Variants in THSD7B observed in about 807,000 individuals in gnomAD.
THSD7B encodes thrombospondin type-1 domain-containing protein 7B.
Under a neutral mutation model 213.6 loss-of-function variants are expected in THSD7B, and 138 were observed. The observed-to-expected ratio is 0.65, with a 90% CI of 0.56 to 0.74. THSD7B has a LOEUF of 0.74. Ranked by LOEUF, THSD7B falls within the 30% of genes least tolerant of loss-of-function variation. The pLI, the probability that THSD7B is intolerant of heterozygous loss-of-function variation, is 0.00. For synonymous variants in THSD7B, 742 were observed against 687.0 expected (o/e 1.08, Z -1.25); for missense variants, 1,931 against 1,991.5 (o/e 0.97, Z 0.58).
chr2:137,632,825 C>A (rs373067361), intron 20 of THSD7B, among the ~76,000 whole-genome samples: 5 of 152,296 alleles, frequency 3.3e-5, no homozygotes, highest in East Asian at 3.9e-4. Flanking sequence ...ATGTACCTGG[C>A]AGAGATGTGA....
intron 15 of THSD7B, among the ~76,000 whole-genome samples, chr2:137,520,815 C>T (rs1680170750): frequency 6.6e-6 from 1 of 152,142 alleles, no homozygotes; most frequent in African/African-American, 2.4e-5. Flanking sequence ...TTTCATAATG[C>T]TAGAGCATGA....
At chr2:137,670,884 G>A (rs1474982940) in intron 27 of THSD7B, among the ~76,000 whole-genome samples, 1 of 138,208 alleles carries the variant, frequency 7.2e-6, no homozygotes, top group East Asian at 2.1e-4. Flanking sequence ...TTGCGCCACT[G>A]CACTGCAGCG....
At chr2:137,102,249 A>G (rs1250126709) in intron 4 of THSD7B, among the ~76,000 whole-genome samples, 1 of 152,210 alleles carries the variant, frequency 6.6e-6, no homozygotes, top group Non-Finnish European at 1.5e-5. Flanking sequence ...AGGCAAACAG[A>G]GCCTGAAGTG....
chr2:137,263,018 TC>T (rs1385907102), intron 10 of THSD7B, among the ~76,000 whole-genome samples: 12 of 152,084 alleles, frequency 7.9e-5, no homozygotes, highest in Non-Finnish European at 2.9e-5. Flanking sequence ...GTTAGCTCTC[TC>T]TAAATTGGGG....
chr2:137,642,351 A>C, intron 20 of THSD7B, 137 bp from the exon 21 acceptor site: 1 of 1,094,768 alleles, frequency 9.1e-7, no homozygotes, highest in Non-Finnish European at 1.3e-6. Flanking sequence ...TGAAAATGAC[A>C]GAAAAACTAA....
chr2:137,546,385 ATTATATATATTATATATATT>A (rs1680715667), intron 15 of THSD7B, among the ~76,000 whole-genome samples: 1 of 34,718 alleles, frequency 2.9e-5, no homozygotes, highest in Non-Finnish European at 4.6e-5. Context: ...TAATATATAT[ATTATATATATTATATATATT>A]ATATATATAT....
chr2:137,073,186 T>C lies in THSD7B; in HGVS notation c.950+15956T>C, dbSNP rs376662387. The stretch of plus-strand genomic sequence containing the variant: ...ATAGTTTCAGAAGGAATGGTACCAG[T>C]TCCTCTTTGTACCTCTGGTAGAATT... On this transcript the variant is annotated intron_variant, in intron 3 of 27. Coordinates refer to ENST00000409968, the MANE Select transcript of THSD7B (RefSeq NM_001316349.2). Among the ~76,000 whole-genome samples, 20 of 152,136 alleles carry C rather than the reference T, an allele frequency of 1.3e-4. No individual in the cohort carries two copies. The East Asian group carries it at 3.9e-3, about 29-fold the overall frequency.
At chr2:137,666,974 T>G (rs1432758680) in intron 26 of THSD7B, among the ~76,000 whole-genome samples, 1 of 152,160 alleles carries the variant, frequency 6.6e-6, no homozygotes, top group East Asian at 1.9e-4. Context: ...GTGAATTGAT[T>G]AACTTGTTTG....
intron 4 of THSD7B, among the ~76,000 whole-genome samples, chr2:137,107,304 G>A (rs1048689190): frequency 6.6e-6 from 1 of 152,126 alleles, no homozygotes; most frequent in African/African-American, 2.4e-5. Context: ...ACCAAACACT[G>A]CATGTTCTCA....
Position 137,056,439 on chromosome 2 carries a change from A to C in THSD7B, c.159A>C (p.Thr53=). Residue 53 remains threonine, a synonymous_variant, in exon 3 of 28, where the codon ACA becomes ACC. Transcript: ENST00000409968. ...IWKPGPWGRC[T]GDCGPGGVQS... is the part of the protein sequence containing the mutation. ...CTGTAGGTCCGTGGGGAAGGTGTAC[A>C]GGAGACTGTGGTCCCGGAGGAGTCC... The C allele has an allele frequency of 1.2e-6, 2 of 1,613,692 alleles. No individual in the cohort carries two copies. Among genetic ancestry groups the C allele is most frequent in the East Asian group, 4.5e-5 (2 of 44,860 alleles).
At chr2:137,432,338 C>G (rs1033358977) in intron 14 of THSD7B, among the ~76,000 whole-genome samples, 2 of 152,196 alleles carry the variant, frequency 1.3e-5, no homozygotes, top group Non-Finnish European at 2.9e-5. Context: ...TTGCAGTCAG[C>G]CGAGATCGCG....
intron 15 of THSD7B, among the ~76,000 whole-genome samples, chr2:137,560,765 G>T (rs2105220745): frequency 6.6e-6 from 1 of 152,108 alleles, no homozygotes; most frequent in East Asian, 1.9e-4. Flanking sequence ...GAGTCCAGGT[G>T]CTGACTTTTT....
chr2:137,420,534 T>G (rs1686902167), intron 14 of THSD7B, among the ~76,000 whole-genome samples: 2 of 152,154 alleles, frequency 1.3e-5, no homozygotes, highest in South Asian at 4.1e-4. Context: ...CCTATACTTC[T>G]CCTATTTTAC....
chr2:137,404,541 CACAT>C (rs1348789388), intron 12 of THSD7B, among the ~76,000 whole-genome samples: 143 of 126,798 alleles, frequency 1.1e-3, no homozygotes, highest in African/African-American at 3.5e-3. Context: ...TATATATACA[CACAT>C]ACTATATATT....
intron 4 of THSD7B, among the ~76,000 whole-genome samples, chr2:137,104,825 C>A (rs904448350): frequency 6.6e-6 from 1 of 152,096 alleles, no homozygotes; most frequent in African/African-American, 2.4e-5. Flanking sequence ...GGATAAATTC[C>A]TGGACACTTA....
chr2:137,226,299 T>C (rs1288437075), intron 7 of THSD7B, among the ~76,000 whole-genome samples: 1 of 151,788 alleles, frequency 6.6e-6, no homozygotes, highest in Admixed American at 6.6e-5. Flanking sequence ...AAAATGTTGG[T>C]CTACTTTTCA....
chr2:136,808,844 A>G (rs946275992), intron 1 of THSD7B, among the ~76,000 whole-genome samples: 1 of 152,208 alleles, frequency 6.6e-6, no homozygotes, highest in African/African-American at 2.4e-5. Flanking sequence ...TTGCCAGGTT[A>G]CTTGCCAATT....
At chr2:137,150,037 T>C (rs570050645) in intron 5 of THSD7B, among the ~76,000 whole-genome samples, 1 of 150,786 alleles carries the variant, frequency 6.6e-6, no homozygotes, top group Non-Finnish European at 1.5e-5. Context: ...AGGTCAGGAG[T>C]TCGAGACCAG....
chr2:137,303,426 C>A (rs1683655458), intron 12 of THSD7B, among the ~76,000 whole-genome samples: 2 of 151,608 alleles, frequency 1.3e-5, no homozygotes, highest in African/African-American at 4.8e-5. Context: ...CTTTTTTAAA[C>A]TTGTATTTAA....
Sources: allele counts gnomAD v4.1 joint callset (sites outside exome capture counted in the v4.1 genomes callset), GRCh38; gene constraint gnomAD v4.1.1; transcripts MANE v1.5; gene names NCBI Gene and HGNC (gene_info 2026-07-23, HGNC 2026-07-21).